The following SPATS2L variants were observed in gnomAD, a reference collection of about 807,000 sequenced individuals.
The protein encoded by SPATS2L is spermatogenesis associated serine rich 2 like, also known as SPATS2-like protein.
In SPATS2L, 30 loss-of-function variants were observed where a neutral mutation model predicts 59.6. The observed-to-expected ratio is 0.50, with a 90% CI of 0.38 to 0.68. SPATS2L has a LOEUF of 0.68. SPATS2L is among the 30% of genes least tolerant of loss of function. The pLI is 0.00. For missense variants in SPATS2L, 615 were observed against 700.0 expected, an observed-to-expected ratio of 0.88 and a Z score of 1.37; for synonymous variants, 252 against 263.5, an observed-to-expected ratio of 0.96 and a Z score of 0.42.
At chr2:200,355,020 G>T (rs295144) in intron 2 of SPATS2L, among the ~76,000 whole-genome samples, 4 of 151,886 alleles carry the variant, frequency 2.6e-5, no homozygotes, top group Non-Finnish European at 5.9e-5. Context: ...TTGGATATAC[G>T]TACAATCCCT....
In SPATS2L at chr2:200,385,884, A is replaced by G. The variant is rs554893880; in HGVS notation, c.-22-3339A>G. Among the ~76,000 whole-genome samples the G allele has an allele frequency of 4.7e-3, 719 of 152,100 alleles. 1 individual carries two copies. The highest frequency in any genetic ancestry group is 6.9e-3 in the Non-Finnish European group (467 of 67,978). On this transcript the variant is annotated intron_variant, in intron 2 of 12. Transcript: ENST00000409140. ...ATTTTTTTGTATTTTTAGTGGAGAC[A>G]GGGTTTCACTGTGTTAGCCAGGATG...
chr2:200,476,270 T>G (rs1334682656), intron 12 of SPATS2L, among the ~76,000 whole-genome samples: 1 of 152,142 alleles, frequency 6.6e-6, no homozygotes, highest in Non-Finnish European at 1.5e-5. Flanking sequence ...AAACAATGAA[T>G]TACCTCTGTG....
At chr2:200,406,408 T>TAA (rs1559103982) in intron 3 of SPATS2L, among the ~76,000 whole-genome samples, 2,250 of 148,708 alleles carry the variant, frequency 0.015, 67 homozygotes, top group African/African-American at 0.053. Context: ...TAGCACAAGT[T>TAA]TAAAAAAAAA....
intron 8 of SPATS2L, among the ~76,000 whole-genome samples, chr2:200,444,851 G>A (rs2084929495): frequency 6.6e-6 from 1 of 151,962 alleles, no homozygotes; most frequent in East Asian, 1.9e-4. Context: ...ATCAAGATAG[G>A]TGTTTATAGT....
At chr2:200,391,430 A>G (rs1269746691) in intron 3 of SPATS2L, among the ~76,000 whole-genome samples, 1 of 152,148 alleles carries the variant, frequency 6.6e-6, no homozygotes, top group Non-Finnish European at 1.5e-5. Flanking sequence ...TTCCTTTGTA[A>G]TCACATGTAG....
intron 10 of SPATS2L, among the ~76,000 whole-genome samples, chr2:200,467,907 T>G (rs576016585): frequency 6.6e-6 from 1 of 152,238 alleles, no homozygotes; most frequent in East Asian, 1.9e-4. Context: ...ATTCCTTCAT[T>G]GACAAGCAAC....
intron 11 of SPATS2L, among the ~76,000 whole-genome samples, chr2:200,471,616 G>A (rs945240823): frequency 3.3e-5 from 5 of 152,164 alleles, no homozygotes; most frequent in South Asian, 4.1e-4. Flanking sequence ...GTACTGAACC[G>A]GAAATAGTGG....
chr2:200,306,777 G>T lies in SPATS2L; in HGVS notation c.-218G>T. 1 of 981,916 alleles carries T rather than the reference G, an allele frequency of 1.0e-6. No homozygotes were observed. The highest frequency in any genetic ancestry group is 1.2e-6 in the Non-Finnish European group (1 of 828,338). 60.8% of individuals were successfully genotyped at this position (981,916 alleles called of 1,614,324 possible). A position where few individuals can be genotyped will look rare whatever the true frequency, so the allele number is the denominator to read the frequency against. ...GCGCCGGCAGCGCGGGGCGAGCTCCGGACGGCGCGCGGCCCAGGCAGCGGC... is the reference window on the plus strand; with the variant it reads ...GCGCCGGCAGCGCGGGGCGAGCTCCTGACGGCGCGCGGCCCAGGCAGCGGC... On this transcript the variant is annotated 5_prime_UTR_variant, in exon 1 of 13. Transcript: ENST00000409140.
At chr2:200,371,230 AT>A (rs2081416856) in intron 2 of SPATS2L, among the ~76,000 whole-genome samples, 1 of 152,196 alleles carries the variant, frequency 6.6e-6, no homozygotes, top group Admixed American at 6.5e-5. Context: ...AAAATGTCTT[AT>A]CCACAAATTA....
intron 1 of SPATS2L, among the ~76,000 whole-genome samples, chr2:200,309,483 T>TA (rs1214103212): frequency 1.3e-5 from 2 of 152,260 alleles, no homozygotes; most frequent in African/African-American, 2.4e-5. Flanking sequence ...GTAGCACTTT[T>TA]ACTGTCATTT....
At chr2:200,375,675 G>A (rs1202648182) in intron 2 of SPATS2L, among the ~76,000 whole-genome samples, 1 of 152,148 alleles carries the variant, frequency 6.6e-6, no homozygotes, top group Non-Finnish European at 1.5e-5. Context: ...ATCCAGGCTG[G>A]AGTGCCAGTG....
intron 1 of SPATS2L, chr2:200,308,978 A>C: frequency 1.4e-6 from 1 of 712,792 alleles, no homozygotes; most frequent in Non-Finnish European, 2.6e-6. Flanking sequence ...TGTGGGCTTG[A>C]GAAGCTGCTC....
intron 2 of SPATS2L, chr2:200,383,916 C>T (rs2081907036): frequency 1.0e-6 from 1 of 1,001,152 alleles, no homozygotes; most frequent in South Asian, 4.7e-5. Flanking sequence ...AACCTAAGAG[C>T]ATTAATGGGT....
chr2:200,449,180 T>A (rs2085270444), intron 8 of SPATS2L, among the ~76,000 whole-genome samples: 1 of 152,244 alleles, frequency 6.6e-6, no homozygotes, highest in African/African-American at 2.4e-5. Context: ...CTTTCTTCCC[T>A]GAGGTTTTCC....
intron 2 of SPATS2L, among the ~76,000 whole-genome samples, chr2:200,353,179 G>A (rs1275413940): frequency 3.3e-5 from 5 of 152,192 alleles, no homozygotes; most frequent in Admixed American, 3.3e-4. Flanking sequence ...GAGCAAAGAA[G>A]AGGAGATGAA....
intron 11 of SPATS2L, among the ~76,000 whole-genome samples, chr2:200,471,788 G>A (rs2087062962): frequency 6.6e-6 from 1 of 152,148 alleles, no homozygotes; most frequent in African/African-American, 2.4e-5. Context: ...CATTTCTCCT[G>A]TATTGTGATT....
chr2:200,370,747 C>T (rs940302965), intron 2 of SPATS2L, among the ~76,000 whole-genome samples: 3 of 152,170 alleles, frequency 2.0e-5, no homozygotes, highest in African/African-American at 7.2e-5. Flanking sequence ...TTAATTTCCT[C>T]AAGGTCACAC....
chr2:200,309,014 A>G lies in SPATS2L; in HGVS notation c.-73+2092A>G, dbSNP rs368344798. 1.1e-5 allele frequency: 8 copies of G among 717,560 alleles called. No individual in the cohort carries two copies. The African/African-American group carries it at 1.4e-4, about 13-fold the overall frequency. The allele number at this position is 717,560 out of a possible 1,614,324, so 44.4% of individuals were successfully genotyped here. On this transcript the variant is annotated intron_variant, in intron 1 of 12. Transcript: ENST00000409140. Reference sequence around the variant, plus strand: ...TGCCACACCAGTAAGGATCAGGGAAAGAAAATACTTAGGCCACACCGTTGC... The same window carrying G: ...TGCCACACCAGTAAGGATCAGGGAAGGAAAATACTTAGGCCACACCGTTGC...
chr2:200,323,095 G>T (rs1226301424), intron 1 of SPATS2L, among the ~76,000 whole-genome samples: 1 of 152,174 alleles, frequency 6.6e-6, no homozygotes, highest in African/African-American at 2.4e-5. Context: ...GTTGGTACTA[G>T]CAAGTTAAAT....
Sources: allele counts gnomAD v4.1 joint callset (sites outside exome capture counted in the v4.1 genomes callset), GRCh38; gene constraint gnomAD v4.1.1; transcripts MANE v1.5; gene names NCBI Gene and HGNC (gene_info 2026-07-23, HGNC 2026-07-21).